Variants in CPNE7 observed in about 807,000 individuals in gnomAD.
The protein encoded by CPNE7 is copine 7, also known as copine-7.
In CPNE7, 78 loss-of-function variants were observed where a neutral mutation model predicts 66.5. The observed-to-expected ratio is 1.17, with a 90% CI of 0.98 to 1.42. The LOEUF (loss-of-function observed/expected upper bound fraction) is 1.42, where lower values mean the gene tolerates loss of function less well. CPNE7 is among the 40% of genes most tolerant of loss of function. The probability of loss-of-function intolerance (pLI) is 0.00; values close to 1 mark genes in which losing one functional copy is unlikely to be tolerated. For missense variants in CPNE7, 1,012 were observed against 776.6 expected (o/e 1.30, Z -3.60); for synonymous variants, 468 against 336.7 (o/e 1.39, Z -4.27).
chr16:89,581,471 C>T (rs2058958595), intron 2 of CPNE7, among the ~76,000 whole-genome samples: 1 of 152,244 alleles, frequency 6.6e-6, no homozygotes, highest in South Asian at 2.1e-4. Flanking sequence ...CGTGTTCTCC[C>T]TGCTGTGGAA....
At chr16:89,591,397 C>A in intron 13 of CPNE7, 137 bp downstream of exon 13, 2 of 1,265,008 alleles carry the variant, frequency 1.6e-6, no homozygotes, top group African/African-American at 1.5e-5. Flanking sequence ...CTCAGGAGGG[C>A]GGGGGCCCAG....
At chr16:89,581,310 ATCACACGGAACATCCCATCACCCG>A (rs1450441297) in intron 2 of CPNE7, among the ~76,000 whole-genome samples, 13 of 121,582 alleles carry the variant, frequency 1.1e-4, no homozygotes, top group Non-Finnish European at 1.4e-4. Context: ...CCCGTCACCC[ATCACACGGAACATCCCATCACCCG>A]TCACACGGAA....
chr16:89,589,017 C>T (rs182490792), intron 10 of CPNE7, among the ~76,000 whole-genome samples: 156 of 152,292 alleles, frequency 1.0e-3, no homozygotes, highest in Admixed American at 9.6e-3. Context: ...AGGGGCCGGG[C>T]GCGGTAGCTC....
At chr16:89,588,966 G>C (rs557960622) in intron 10 of CPNE7, among the ~76,000 whole-genome samples, 158 bp downstream of exon 10, 1 of 152,100 alleles carries the variant, frequency 6.6e-6, no homozygotes, top group African/African-American at 2.4e-5. Context: ...GTCAGGCCTC[G>C]GGGCACCATG....
intron 13 of CPNE7, among the ~76,000 whole-genome samples, chr16:89,591,505 C>T (rs1001415576): frequency 7.2e-5 from 11 of 152,206 alleles, no homozygotes; most frequent in Admixed American, 5.2e-4. Flanking sequence ...GAGGCTGCCC[C>T]TCTCCTCTTC....
intron 10 of CPNE7, 57 bp from the exon 11 acceptor site, chr16:89,589,840 C>T (rs2059142208): frequency 6.3e-6 from 10 of 1,587,284 alleles, no homozygotes; most frequent in South Asian, 2.2e-5. Flanking sequence ...TAGAAGTGGC[C>T]CCTGTTGCAG....
intron 10 of CPNE7, 131 bp downstream of exon 10, chr16:89,588,939 A>AC (rs886271616): frequency 9.3e-7 from 1 of 1,072,428 alleles, no homozygotes; most frequent in South Asian, 1.5e-5. Flanking sequence ...GTTTTCCCTC[A>AC]CCCCCCTGGG....
intron 10 of CPNE7, among the ~76,000 whole-genome samples, chr16:89,589,074 C>T (rs886327926): frequency 2.0e-5 from 3 of 152,132 alleles, no homozygotes; most frequent in East Asian, 3.9e-4. Context: ...GGTGGATCAC[C>T]TGAGGTCAGG....
At chr16:89,576,173 A>G (rs971829479) in intron 1 of CPNE7, 102 bp downstream of exon 1, 37 of 1,037,930 alleles carry the variant, frequency 3.6e-5, no homozygotes, top group Non-Finnish European at 4.3e-5. Context: ...AGTGGGGCGC[A>G]AGGCGGGGCC....
intron 2 of CPNE7, among the ~76,000 whole-genome samples, chr16:89,582,180 G>A (rs746651470): frequency 6.6e-6 from 1 of 152,246 alleles, no homozygotes; most frequent in Non-Finnish European, 1.5e-5. Context: ...CACGGTCAAG[G>A]GAGAAGCTAC....
chr16:89,588,592 T>A (rs1471597042), intron 9 of CPNE7, 83 bp from the exon 10 acceptor site: 2 of 1,572,448 alleles, frequency 1.3e-6, no homozygotes, highest in Non-Finnish European at 1.7e-6. Flanking sequence ...TCCTGGCCAC[T>A]CTGGGCGTGG....
chr16:89,578,570 G>A (rs992324487), intron 2 of CPNE7, among the ~76,000 whole-genome samples: 3 of 151,692 alleles, frequency 2.0e-5, no homozygotes, highest in African/African-American at 2.4e-5. Context: ...GACCAGCCTG[G>A]CCAACATGCT....
Position 89,576,065 on chromosome 16 carries a change from G to T in CPNE7, c.168G>T (p.Trp56Cys). The change falls in exon 1 of 15, where the codon TGG becomes TGT. Residue 56 changes from tryptophan (W) to cysteine (C), a missense_variant. Transcript: ENST00000319518. Reference protein sequence around the residue: ...VALLQQAQGQWVQVGRTEVVR... With the variant: ...VALLQQAQGQCVQVGRTEVVR... ...TGCTGCAGCAGGCGCAGGGCCAGTG[G>T]GTGCAGGTAGGGCCGGGGCGTGGGA... 7.8e-7 allele frequency: 1 copy of T among 1,283,478 alleles called. No individual in the cohort carries two copies. Among genetic ancestry groups the T allele is most frequent in the Non-Finnish European group, 9.9e-7 (1 of 1,015,072 alleles). 79.5% of individuals were successfully genotyped at this position (1,283,478 alleles called of 1,614,324 possible). A position where few individuals can be genotyped will look rare whatever the true frequency, so the allele number is the denominator to read the frequency against.
At chr16:89,583,890 C>G in intron 3 of CPNE7, 119 bp downstream of exon 3, 1 of 1,441,250 alleles carries the variant, frequency 6.9e-7, no homozygotes. Context: ...GAGCCGGCAG[C>G]TACACAGCCC....
At position 89,595,746 on chromosome 16, in the gene CPNE7, C is replaced by A. The variant is rs541077164; in HGVS notation, c.1539+143C>A. 4.6e-4 allele frequency: 358 copies of A among 778,036 alleles called. 3 individuals are homozygous for A. In the South Asian group the frequency reaches 4.9e-3, roughly 11 times the overall value. 48.2% of individuals were successfully genotyped at this position (778,036 alleles called of 1,614,324 possible). ...CTGGGGGATCCTGGGCTGTTCCCCC[C>A]AGTCAAGAGCAGTATCTGAAGCCAG... is the stretch of plus-strand genomic sequence containing the variant. On this transcript the variant is annotated intron_variant, in intron 14 of 14. Coordinates refer to ENST00000319518, the MANE Select transcript of CPNE7 (RefSeq NM_153636.3).
intron 9 of CPNE7, 86 bp from the exon 10 acceptor site, chr16:89,588,589 C>T (rs1235749072): frequency 5.8e-6 from 9 of 1,557,006 alleles, no homozygotes; most frequent in Admixed American, 1.7e-5. Flanking sequence ...GAGTCCTGGC[C>T]ACTCTGGGCG....
chr16:89,580,036 GACACGGAACATCTCACCCGTC>G (rs1295972073), intron 2 of CPNE7, among the ~76,000 whole-genome samples: 1 of 43,598 alleles, frequency 2.3e-5, no homozygotes, highest in Non-Finnish European at 6.2e-5. Context: ...GTCACCCGCT[GACACGGAACATCTCACCCGTC>G]ACACGGAACA....
At chr16:89,588,853 T>C in intron 10 of CPNE7, 45 bp downstream of exon 10, 1 of 1,605,508 alleles carries the variant, frequency 6.2e-7, no homozygotes, top group Non-Finnish European at 8.5e-7. Context: ...CCAGGTCAGC[T>C]ATGACAGGTG....
chr16:89,596,436 T>A (rs1427195682), intron 14 of CPNE7, 48 bp from the exon 15 acceptor site: 1 of 1,564,614 alleles, frequency 6.4e-7, no homozygotes, highest in East Asian at 2.3e-5. Flanking sequence ...GGACGGATGA[T>A]CTCCATCTCG....
Sources: allele counts gnomAD v4.1 joint callset (sites outside exome capture counted in the v4.1 genomes callset), GRCh38; gene constraint gnomAD v4.1.1; transcripts MANE v1.5; gene names NCBI Gene and HGNC (gene_info 2026-07-23, HGNC 2026-07-21).